The following IFI6 variants were observed in gnomAD, a reference collection of about 807,000 sequenced individuals.
IFI6 encodes interferon alpha-inducible protein 6.
Under a neutral mutation model 12.7 loss-of-function variants are expected in IFI6, and 10 were observed. The observed-to-expected ratio is 0.79, with a 90% CI of 0.49 to 1.33. The LOEUF is 1.33. Among genes scored for constraint, IFI6 ranks in the 40% most tolerant of loss-of-function variants. The pLI is 0.00. For synonymous variants in IFI6, 89 were observed against 86.2 expected (o/e 1.03, Z -0.18); for missense variants, 154 against 180.4 (o/e 0.85, Z 0.84).
Position 27,666,129 on chromosome 1 carries a change from T to A in IFI6, c.*252A>T. ...TGTTGGGGAGAGTGATAGACAAAGTTCTGGATTCTGGGCATCGTCGGCGCA... is the reference window on the plus strand; with the variant it reads ...TGTTGGGGAGAGTGATAGACAAAGTACTGGATTCTGGGCATCGTCGGCGCA... On this transcript the variant is annotated 3_prime_UTR_variant, in exon 5 of 5. Transcript: ENST00000361157. 1 of 381,162 alleles carries A rather than the reference T, an allele frequency of 2.6e-6. No homozygotes were observed. Among genetic ancestry groups the A allele is most frequent in the East Asian group, 4.6e-5 (1 of 21,694 alleles). The allele number at this position is 381,162 out of a possible 1,614,324, so 23.6% of individuals were successfully genotyped here.
intron 1 of IFI6, among the ~76,000 whole-genome samples, chr1:27,671,910 C>T (rs2148546277): frequency 6.6e-6 from 1 of 152,336 alleles, no homozygotes; most frequent in East Asian, 1.9e-4. Flanking sequence ...AGCTGGGTCT[C>T]ATGCCACTTG....
chr1:27,671,021 C>A (rs1381383122), intron 1 of IFI6, among the ~76,000 whole-genome samples: 1 of 152,184 alleles, frequency 6.6e-6, no homozygotes, highest in Non-Finnish European at 1.5e-5. Context: ...AACATGGGTA[C>A]ACATTCAAGA....
In IFI6 at chr1:27,666,471, A is replaced by G. The variant is rs1248761457; in HGVS notation, c.303T>C (p.Ala101=). Residue 101 remains alanine, a synonymous_variant, in exon 5 of 5, where the codon GCT becomes GCC. Coordinates refer to ENST00000361157, the MANE Select transcript of IFI6 (RefSeq NM_002038.4). ...TACCTATGACGACGCTGCTGCCACC[A>G]GCCCCTGTAAAGCAAACACAGATGA... ...GLVATLQSLG[A]GGSSVVIGNI... 1.2e-6 allele frequency: 2 copies of G among 1,613,096 alleles called. No homozygotes were observed. Among genetic ancestry groups the G allele is most frequent in the South Asian group, 1.1e-5 (1 of 90,990 alleles).
In IFI6 at chr1:27,669,120, C is replaced by T. The variant is rs1403391135; in HGVS notation, c.70+125G>A. On this transcript the variant is annotated intron_variant, in intron 2 of 4. Coordinates refer to ENST00000361157, the MANE Select transcript of IFI6 (RefSeq NM_002038.4). ...CCTTACCTGCATCCTTACCCGCATC[C>T]TTACCTGCATCCTTACCCGCATCTT... The T allele has an allele frequency of 4.3e-6, 5 of 1,153,836 alleles. No homozygotes were observed. The Admixed American group carries it at 6.0e-5, about 14-fold the overall frequency. 71.5% of individuals were successfully genotyped at this position (1,153,836 alleles called of 1,614,324 possible). A position where few individuals can be genotyped will look rare whatever the true frequency, so the allele number is the denominator to read the frequency against.
intron 1 of IFI6, among the ~76,000 whole-genome samples, chr1:27,671,199 T>C (rs1298996848): frequency 6.6e-6 from 1 of 152,186 alleles, no homozygotes; most frequent in Non-Finnish European, 1.5e-5. Flanking sequence ...TAGCACTTTA[T>C]GGCACGCAGT....
intron 1 of IFI6, chr1:27,670,410 C>G (rs980917359): frequency 6.6e-6 from 1 of 152,122 alleles, no homozygotes; most frequent in Non-Finnish European, 1.5e-5. Flanking sequence ...CCTCAGCCTC[C>G]AGCATAGCTG....
chr1:27,666,574 G>C, intron 4 of IFI6, 99 bp from the exon 5 acceptor site: 2 of 784,738 alleles, frequency 2.5e-6, no homozygotes, highest in Non-Finnish European at 4.2e-6. Flanking sequence ...CTTATGTCTA[G>C]ATGGAGAAAC....
chr1:27,669,597 C>T (rs1301380468), intron 1 of IFI6: 2 of 446,762 alleles, frequency 4.5e-6, no homozygotes, highest in Admixed American at 3.5e-5. Flanking sequence ...GTAAGCTCCG[C>T]AGATGTCAAT....
chr1:27,667,954 C>T (rs558996104), intron 4 of IFI6, among the ~76,000 whole-genome samples: 22 of 152,304 alleles, frequency 1.4e-4, no homozygotes, highest in African/African-American at 5.1e-4. Context: ...GCCTGTAATC[C>T]CAGCTACTTG....
intron 4 of IFI6, among the ~76,000 whole-genome samples, chr1:27,667,289 G>T (rs944685121): frequency 1.4e-5 from 2 of 144,680 alleles, no homozygotes; most frequent in South Asian, 2.3e-4. Context: ...GGCGGTATGC[G>T]CCTATAGTCC....
At chr1:27,668,590 C>T (rs1264358388) in intron 2 of IFI6, 55 bp from the exon 3 acceptor site, 1 of 1,432,952 alleles carries the variant, frequency 7.0e-7, no homozygotes, top group Non-Finnish European at 9.6e-7. Flanking sequence ...CACAGGGGTC[C>T]CCTACTCTGT....
At chr1:27,669,162 C>CGCATCCTTACCTGCACCCTTACTT in intron 2 of IFI6, 83 bp downstream of exon 2, 9 of 1,417,768 alleles carry the variant, frequency 6.3e-6, no homozygotes, top group East Asian at 2.5e-5. Flanking sequence ...CATCCTTACC[C>CGCATCCTTACCTGCACCCTTACTT]GCATCCTTAC....
intron 3 of IFI6, 32 bp from the exon 4 acceptor site, chr1:27,668,407 C>T (rs1429335457): frequency 7.0e-6 from 11 of 1,581,466 alleles, no homozygotes; most frequent in Non-Finnish European, 9.5e-6. Context: ...AGGGAGCGTC[C>T]GCGGCAGAGG....
intron 1 of IFI6, chr1:27,669,666 G>A: frequency 3.2e-6 from 1 of 309,382 alleles, no homozygotes; most frequent in South Asian, 3.2e-5. Flanking sequence ...GGATACTAGG[G>A]TACTTTGCTT....
chr1:27,668,676 A>C, intron 2 of IFI6, 141 bp from the exon 3 acceptor site: 1 of 662,490 alleles, frequency 1.5e-6, no homozygotes, highest in Non-Finnish European at 2.6e-6. Flanking sequence ...AGGGGAAGGG[A>C]CTTTCCCCTA....
At chr1:27,668,994 T>C (rs975752969) in intron 2 of IFI6, among the ~76,000 whole-genome samples, 8 of 13,726 alleles carry the variant, frequency 5.8e-4, no homozygotes, top group Non-Finnish European at 3.6e-3. Context: ...CATCCTTACC[T>C]GCATCCTTAC....
At position 27,668,510 on chromosome 1, in the gene IFI6, C is replaced by T. The variant is rs775188955; in HGVS notation, c.96G>A (p.Ser32=). 20 of 1,606,664 alleles carry T rather than the reference C, an allele frequency of 1.2e-5. 1 individual carries two copies. Among genetic ancestry groups the T allele is most frequent in the East Asian group, 2.2e-5 (1 of 44,474 alleles). The part of the protein sequence containing the change: ...EAGKKKCSES[S]DSGSGFWKAL... ...CCTTCCAGAACCCGGAGCCGCTGTC[C>T]GAGCTCTCCGAGCACTTTTTCTTAC... Residue 32 remains serine, a synonymous_variant, in exon 3 of 5, where the codon TCG becomes TCA. Coordinates refer to ENST00000361157, the MANE Select transcript of IFI6 (RefSeq NM_002038.4).
chr1:27,669,568 G>C (rs748693418), intron 1 of IFI6: 1 of 497,940 alleles, frequency 2.0e-6, no homozygotes, highest in Non-Finnish European at 3.7e-6. Context: ...GTGCGGATTC[G>C]CACGGTGTTT....
Position 27,668,326 on chromosome 1 carries a change from G to A in IFI6, c.198C>T (p.Ile66=), listed in dbSNP as rs2090368049. 6.4e-7 allele frequency: 1 copy of A among 1,571,190 alleles called. No individual in the cohort carries two copies. Among genetic ancestry groups the A allele is most frequent in the Non-Finnish European group, 8.6e-7 (1 of 1,159,698 alleles). The change falls in exon 4 of 5, where the codon ATC becomes ATT. Residue 66 remains isoleucine (I), a synonymous_variant. Coordinates refer to ENST00000361157, the MANE Select transcript of IFI6 (RefSeq NM_002038.4). ...LPALGFTGAG[I]AANSVAASLM... is the part of the protein sequence containing the mutation. ...GCGAGGCAGCCACCGAGTTGGCCGCGATGCCGGCGCCGGTGAAGCCCAGCG... is the reference window on the plus strand; with the variant it reads ...GCGAGGCAGCCACCGAGTTGGCCGCAATGCCGGCGCCGGTGAAGCCCAGCG...
Sources: allele counts gnomAD v4.1 joint callset (sites outside exome capture counted in the v4.1 genomes callset), GRCh38; gene constraint gnomAD v4.1.1; transcripts MANE v1.5; gene names NCBI Gene and HGNC (gene_info 2026-07-23, HGNC 2026-07-21).